The following TRPC5 variants were observed in gnomAD, a reference collection of about 807,000 sequenced individuals.
The protein encoded by TRPC5 is short transient receptor potential channel 5.
In TRPC5, 9 loss-of-function variants were observed where a neutral mutation model predicts 56.5. The ratio of observed to expected loss-of-function variants is 0.16; its 90% CI spans 0.10 to 0.28. The LOEUF (loss-of-function observed/expected upper bound fraction) is 0.28, where lower values mean the gene tolerates loss of function less well. Among genes scored for constraint, TRPC5 ranks in the 10% least tolerant of loss-of-function variants. The probability of loss-of-function intolerance (pLI) is 1.00; values close to 1 mark genes in which losing one functional copy is unlikely to be tolerated. For missense variants in TRPC5, 469 were observed against 748.9 expected (o/e 0.63, Z 4.36); for synonymous variants, 282 against 278.5 (o/e 1.01, Z -0.13).
intron 7 of TRPC5, among the ~76,000 whole-genome samples, chrX:111,805,696 T>C (rs1336467474): frequency 9.0e-6 from 1 of 111,380 alleles, no homozygotes; most frequent in Non-Finnish European, 1.9e-5. Context: ...ATTTTTGAGA[T>C]AGGGTATCAC....
chrX:112,079,702 T>C (rs778921224), intron 1 of TRPC5, among the ~76,000 whole-genome samples: 14 of 112,156 alleles, frequency 1.2e-4, no homozygotes, highest in Non-Finnish European at 2.4e-4. Context: ...TTGTTAGCTA[T>C]AGAAAGAACA....
At chrX:111,852,483 T>C in intron 4 of TRPC5, 46 bp from the exon 5 acceptor site, 1 of 1,139,185 alleles carries the variant, frequency 8.8e-7, no homozygotes. Context: ...GGGTCAGCCC[T>C]GCTCATCATA....
chrX:112,043,799 C>T (rs1298146569), intron 1 of TRPC5, among the ~76,000 whole-genome samples: 1 of 110,706 alleles, frequency 9.0e-6, no homozygotes, highest in Non-Finnish European at 1.9e-5. Flanking sequence ...GATCCCATGG[C>T]TCTTTTGTCA....
At chrX:111,930,894 G>A (rs997891282) in intron 2 of TRPC5, 1 of 120,099 alleles carries the variant, frequency 8.3e-6, no homozygotes, top group African/African-American at 3.2e-5. Context: ...TGAGGGATAG[G>A]GCCCCAATCA....
At chrX:111,904,758 C>G (rs751481342) in intron 3 of TRPC5, among the ~76,000 whole-genome samples, 1 of 111,645 alleles carries the variant, frequency 9.0e-6, no homozygotes, top group East Asian at 2.8e-4. Flanking sequence ...ATGTAACAAA[C>G]CTGCACATCC....
At chrX:111,992,691 C>T (rs140431241) in intron 1 of TRPC5, among the ~76,000 whole-genome samples, 1,328 of 109,235 alleles carry the variant, frequency 0.012, 21 homozygotes, top group African/African-American at 0.042. Flanking sequence ...TAACTTCTGA[C>T]TCCCGGGCTC....
intron 1 of TRPC5, among the ~76,000 whole-genome samples, chrX:112,019,329 C>G (rs773112594): frequency 2.9e-4 from 33 of 112,206 alleles, no homozygotes; most frequent in Non-Finnish European, 6.2e-4. Context: ...TAGAGAAAGC[C>G]TATTGAGGAA....
chrX:111,877,223 A>G (rs972710579), intron 3 of TRPC5, among the ~76,000 whole-genome samples: 2 of 111,794 alleles, frequency 1.8e-5, no homozygotes, highest in Non-Finnish European at 3.8e-5. Context: ...TAAAGAAGAT[A>G]TTTTGGAGAT....
At chrX:111,900,958 A>G (rs1436571540) in intron 3 of TRPC5, among the ~76,000 whole-genome samples, 1 of 111,365 alleles carries the variant, frequency 9.0e-6, no homozygotes, top group East Asian at 2.8e-4. Flanking sequence ...TGCAAAGCCC[A>G]CTAGACACGC....
At chrX:111,916,392 G>A (rs940808187) in intron 2 of TRPC5, among the ~76,000 whole-genome samples, 3 of 111,380 alleles carry the variant, frequency 2.7e-5, no homozygotes, top group Non-Finnish European at 3.8e-5. Context: ...CATAGACTAC[G>A]GGTTTCTTTT....
chrX:111,842,454 T>A lies in TRPC5; in HGVS notation c.1700+4660A>T, dbSNP rs778123194. Among the ~76,000 whole-genome samples, 4 of 111,707 alleles carry A rather than the reference T, an allele frequency of 3.6e-5. No individual in the cohort carries two copies. In the East Asian group the frequency reaches 1.1e-3, roughly 31 times the overall value. The stretch of plus-strand genomic sequence containing the variant: ...CGCCCAGCCCACTTTCTGTAATTTT[T>A]AAAAATTTACACATTTTGGGTTTAG... On this transcript the variant is annotated intron_variant, in intron 6 of 10. Coordinates refer to ENST00000262839, the MANE Select transcript of TRPC5 (RefSeq NM_012471.3).
intron 3 of TRPC5, among the ~76,000 whole-genome samples, chrX:111,894,206 AAAG>A (rs1443868997): frequency 9.0e-6 from 1 of 111,612 alleles, no homozygotes; most frequent in Admixed American, 9.6e-5. Context: ...TACCTAATAC[AAAG>A]AAGCTTATCA....
Position 111,817,764 on chromosome X carries a change from A to G in TRPC5, c.1896+17157T>C, listed in dbSNP as rs541271506. 2.7e-5 allele frequency among the ~76,000 whole-genome samples: 3 copies of G among 111,608 alleles called. No individual in the cohort carries two copies. The South Asian group carries it at 1.1e-3, about 43-fold the overall frequency. The stretch of plus-strand genomic sequence containing the variant: ...TAGGGTCACAGATCTAGTCAATGAT[A>G]AAGCAGATCCAGAATCGAAGTCTTC... On this transcript the variant is annotated intron_variant, in intron 7 of 10. Coordinates refer to ENST00000262839, the MANE Select transcript of TRPC5 (RefSeq NM_012471.3).
chrX:112,059,557 G>A (rs1930414890), intron 1 of TRPC5, among the ~76,000 whole-genome samples: 1 of 111,949 alleles, frequency 8.9e-6, no homozygotes, highest in East Asian at 2.8e-4. Context: ...TATCACCCTG[G>A]AGTTTAAGGG....
At chrX:112,027,786 G>A (rs1929460092) in intron 1 of TRPC5, among the ~76,000 whole-genome samples, 1 of 111,966 alleles carries the variant, frequency 8.9e-6, no homozygotes, top group African/African-American at 3.2e-5. Context: ...GTGAGCCACC[G>A]CGCCTGGCCG....
At chrX:111,893,346 C>T (rs1420238436) in intron 3 of TRPC5, among the ~76,000 whole-genome samples, 6 of 111,520 alleles carry the variant, frequency 5.4e-5, no homozygotes, top group African/African-American at 2.0e-4. Flanking sequence ...TCCAGACTCT[C>T]TAAGGGCCTG....
Position 111,776,139 on chromosome X carries a change from T to G in TRPC5, c.*174A>C. ...AAAAGGCAAATAATAATGAAAGTAA[T>G]AATAAAACAAGAACAAAAATGGAGA... On this transcript the variant is annotated 3_prime_UTR_variant, in exon 11 of 11. Transcript: ENST00000262839. The G allele has an allele frequency of 2.3e-6, 1 of 435,434 alleles. No individual in the cohort carries two copies. Among genetic ancestry groups the G allele is most frequent in the Non-Finnish European group, 3.7e-6 (1 of 269,857 alleles). The allele number at this position is 435,434 out of a possible 1,213,427, so 35.9% of individuals were successfully genotyped here.
At chrX:111,963,971 G>A (rs184334793) in intron 1 of TRPC5, among the ~76,000 whole-genome samples, 98 of 112,235 alleles carry the variant, frequency 8.7e-4, no homozygotes, top group Admixed American at 4.1e-3. Flanking sequence ...AAAGCTGGAC[G>A]GAGAATGACT....
intron 1 of TRPC5, among the ~76,000 whole-genome samples, chrX:112,065,199 C>A (rs1185451113): frequency 9.0e-6 from 1 of 111,538 alleles, no homozygotes; most frequent in African/African-American, 3.3e-5. Context: ...CTGAGTTTAA[C>A]ATCTATGTGT....
Sources: allele counts gnomAD v4.1 joint callset (sites outside exome capture counted in the v4.1 genomes callset), GRCh38; gene constraint gnomAD v4.1.1; transcripts MANE v1.5; gene names NCBI Gene and HGNC (gene_info 2026-07-23, HGNC 2026-07-21).